The following NTRK3 variants were observed in gnomAD, a reference collection of about 807,000 sequenced individuals.
The protein encoded by NTRK3 is NT-3 growth factor receptor.
NTRK3 carries 24 observed loss-of-function variants against 91.7 expected under a neutral mutation model. The observed-to-expected ratio is 0.26, with a 90% CI of 0.19 to 0.37. NTRK3 has a LOEUF of 0.37. NTRK3 is among the 10% of genes least tolerant of loss of function. The pLI is 1.00. For synonymous variants in NTRK3, 483 were observed against 404.0 expected (o/e 1.20, Z -2.34); for missense variants, 880 against 1,068.9 (o/e 0.82, Z 2.46).
chr15:87,974,225 T>G (rs1028879071), intron 14 of NTRK3, among the ~76,000 whole-genome samples: 4 of 147,848 alleles, frequency 2.7e-5, no homozygotes, highest in Admixed American at 6.6e-5. Context: ...TGCTGGGAGC[T>G]TGGCTGCAGA....
chr15:87,877,861 G>A (rs1420797341), intron 18 of NTRK3, among the ~76,000 whole-genome samples: 3 of 152,176 alleles, frequency 2.0e-5, no homozygotes, highest in South Asian at 4.2e-4. Flanking sequence ...CCACCCCCAG[G>A]AGTGTTGTAA....
intron 3 of NTRK3, among the ~76,000 whole-genome samples, chr15:88,189,588 A>G (rs6496467): frequency 0.58 from 88,455 of 151,626 alleles, 28,419 homozygotes; most frequent in African/African-American, 0.88. Flanking sequence ...GGGATTACAG[A>G]CATGTGCCAC....
chr15:88,103,761 A>G (rs2050413346), intron 13 of NTRK3, among the ~76,000 whole-genome samples: 1 of 151,958 alleles, frequency 6.6e-6, no homozygotes, highest in Non-Finnish European at 1.5e-5. Context: ...GCATATGGAA[A>G]CCCCTCCAAT....
intron 14 of NTRK3, among the ~76,000 whole-genome samples, chr15:88,000,786 A>C (rs2076047506): frequency 6.6e-6 from 1 of 152,150 alleles, no homozygotes; most frequent in African/African-American, 2.4e-5. Context: ...TCTGCTTTTT[A>C]GCTATTATGA....
At chr15:88,155,204 T>C (rs111519816) in intron 5 of NTRK3, among the ~76,000 whole-genome samples, 25 of 152,206 alleles carry the variant, frequency 1.6e-4, no homozygotes, top group African/African-American at 5.5e-4. Context: ...CCCAAGGTAA[T>C]CATAAGGGGC....
chr15:88,160,481 C>A (rs1018486829), intron 5 of NTRK3, among the ~76,000 whole-genome samples: 3 of 152,212 alleles, frequency 2.0e-5, no homozygotes, highest in Admixed American at 2.0e-4. Flanking sequence ...GTGGCCAGCG[C>A]AGAAGAGTGG....
chr15:88,112,691 C>A (rs1381131689), intron 13 of NTRK3, among the ~76,000 whole-genome samples: 1 of 152,182 alleles, frequency 6.6e-6, no homozygotes, highest in South Asian at 2.1e-4. Flanking sequence ...GAGCCTGGCT[C>A]TAAGGGCTCT....
intron 13 of NTRK3, among the ~76,000 whole-genome samples, chr15:88,052,366 G>C (rs1357550917): frequency 6.6e-6 from 1 of 152,194 alleles, no homozygotes; most frequent in East Asian, 1.9e-4. Flanking sequence ...GAGGTGACTT[G>C]CCTGAGCACA....
At chr15:87,930,244 G>C (rs2068675095) in intron 16 of NTRK3, among the ~76,000 whole-genome samples, 1 of 152,104 alleles carries the variant, frequency 6.6e-6, no homozygotes, top group African/African-American at 2.4e-5. Context: ...CCCAAATCAA[G>C]CCCGGATTTG....
At chr15:88,226,795 G>A (rs1043842111) in intron 3 of NTRK3, among the ~76,000 whole-genome samples, 2 of 152,192 alleles carry the variant, frequency 1.3e-5, no homozygotes, top group Non-Finnish European at 2.9e-5. Context: ...CCTTAGCATT[G>A]TACCAGGCCA....
chr15:88,161,045 T>C (rs1357592263), intron 5 of NTRK3, among the ~76,000 whole-genome samples: 1 of 152,192 alleles, frequency 6.6e-6, no homozygotes, highest in Non-Finnish European at 1.5e-5. Context: ...CCCAACACAG[T>C]GCTTAGCACA....
At position 87,940,742 on chromosome 15, in the gene NTRK3, T is replaced by A. The variant is rs869112057; in HGVS notation, c.1597A>T (p.Ile533Phe). The A allele has an allele frequency of 3.1e-6, 5 of 1,613,988 alleles. No individual in the cohort carries two copies. In the African/African-American group the frequency reaches 6.7e-5, roughly 22 times the overall value. Residue 533 changes from isoleucine to phenylalanine, a missense_variant, in exon 15 of 19, where the codon ATT becomes TTT. Ile to Phe is a conservative substitution (Grantham distance 21, BLOSUM62 0). Coordinates refer to ENST00000394480, the Ensembl canonical transcript of NTRK3. ...TTCAGCACGATGTCTCTCCTCTTAATGTGCTGCACATCTGTAGGATGGGGA... is the reference window on the plus strand; with the variant it reads ...TTCAGCACGATGTCTCTCCTCTTAAAGTGCTGCACATCTGTAGGATGGGGA...
chr15:87,977,776 G>A (rs905853201), intron 14 of NTRK3: 6 of 232,234 alleles, frequency 2.6e-5, no homozygotes, highest in Non-Finnish European at 5.1e-5. Context: ...AAAGCCTCAT[G>A]TTTTTAAACC....
intron 13 of NTRK3, among the ~76,000 whole-genome samples, chr15:88,115,647 G>A (rs1389524234): frequency 1.3e-5 from 2 of 151,994 alleles, no homozygotes; most frequent in Non-Finnish European, 2.9e-5. Flanking sequence ...GGCATTTCCA[G>A]GACTTATCAG....
exon 15 of NTRK3, chr15:87,940,664 T>C: frequency 6.2e-7 from 1 of 1,614,112 alleles, no homozygotes; most frequent in Non-Finnish European, 8.5e-7. Flanking sequence ...GGGCTGAGGT[T>C]GTAGCACTCG....
At chr15:87,903,984 C>G (rs1308469211) in intron 17 of NTRK3, among the ~76,000 whole-genome samples, 7 of 152,144 alleles carry the variant, frequency 4.6e-5, no homozygotes, top group Non-Finnish European at 8.8e-5. Context: ...GTGAACAAAG[C>G]TTGTCTTATG....
At chr15:88,134,372 C>A (rs2041674165) in intron 10 of NTRK3, among the ~76,000 whole-genome samples, 1 of 152,170 alleles carries the variant, frequency 6.6e-6, no homozygotes, top group South Asian at 2.1e-4. Context: ...AGAATCAACT[C>A]CCAAAATCAA....
At chr15:87,940,833 T>A (rs2142022133) in intron 14 of NTRK3, 80 bp from the exon 15 acceptor site, 1 of 1,603,410 alleles carries the variant, frequency 6.2e-7, no homozygotes, top group East Asian at 2.2e-5. Context: ...TACAGAGGTC[T>A]AGCGTGGAGA....
intron 14 of NTRK3, among the ~76,000 whole-genome samples, chr15:88,008,340 C>T (rs995516202): frequency 6.6e-6 from 1 of 152,116 alleles, no homozygotes; most frequent in Non-Finnish European, 1.5e-5. Flanking sequence ...AGTATCTTAA[C>T]CACTCAGGGC....
Sources: allele counts gnomAD v4.1 joint callset (sites outside exome capture counted in the v4.1 genomes callset), GRCh38; gene constraint gnomAD v4.1.1; transcripts MANE v1.5; gene names NCBI Gene and HGNC (gene_info 2026-07-23, HGNC 2026-07-21).